Variants in RNF43 observed in about 807,000 individuals in gnomAD.
The protein encoded by RNF43 is E3 ubiquitin-protein ligase RNF43.
RNF43 carries 37 observed loss-of-function variants against 78.4 expected under a neutral mutation model. The observed-to-expected ratio is 0.47, with a 90% CI of 0.36 to 0.62. The LOEUF (loss-of-function observed/expected upper bound fraction) is 0.62. RNF43 is among the 20% of genes least tolerant of loss of function. RNF43 has a pLI of 0.00. For missense variants in RNF43, 774 were observed against 1,007.9 expected, an observed-to-expected ratio of 0.77 and a Z score of 3.14; for synonymous variants, 347 against 395.0, an observed-to-expected ratio of 0.88 and a Z score of 1.44.
At chr17:58,390,241 G>GAAGGCATGAGATCAGAGCTTTCTAACTAA (rs1172465042) in intron 2 of RNF43, among the ~76,000 whole-genome samples, 16 of 152,288 alleles carry the variant, frequency 1.1e-4, no homozygotes, top group African/African-American at 3.9e-4. Flanking sequence ...AAAGAAAACA[G>GAAGGCATGAGATCAGAGCTTTCTAACTAA]AAGGCATGAG....
intron 6 of RNF43, among the ~76,000 whole-genome samples, chr17:58,361,597 A>G (rs551996932): frequency 1.3e-5 from 2 of 152,166 alleles, no homozygotes; most frequent in African/African-American, 4.8e-5. Flanking sequence ...TCATATTAAA[A>G]CTTCAGTCAG....
chr17:58,412,620 T>C (rs1327810719), intron 2 of RNF43, among the ~76,000 whole-genome samples: 2 of 136,906 alleles, frequency 1.5e-5, no homozygotes, highest in Non-Finnish European at 3.1e-5. Flanking sequence ...CTATGGTCTA[T>C]TTTACTATTC....
At chr17:58,372,271 T>C (rs1973114510) in intron 2 of RNF43, among the ~76,000 whole-genome samples, 1 of 152,208 alleles carries the variant, frequency 6.6e-6, no homozygotes, top group Admixed American at 6.5e-5. Context: ...TTGAACATAG[T>C]AGGTTCTCAA....
intron 2 of RNF43, among the ~76,000 whole-genome samples, chr17:58,391,273 G>A (rs1973552434): frequency 6.6e-6 from 1 of 152,196 alleles, no homozygotes; most frequent in East Asian, 1.9e-4. Flanking sequence ...TCTAATTCCA[G>A]ATAATTCCTT....
At chr17:58,396,530 G>GA (rs1402583838) in intron 2 of RNF43, among the ~76,000 whole-genome samples, 1 of 152,054 alleles carries the variant, frequency 6.6e-6, no homozygotes, top group Admixed American at 6.5e-5. Flanking sequence ...ACTTGAGGGG[G>GA]AAAAAACAGA....
intron 2 of RNF43, among the ~76,000 whole-genome samples, chr17:58,395,465 G>A (rs1271746451): frequency 3.9e-5 from 6 of 151,948 alleles, no homozygotes; most frequent in Non-Finnish European, 8.8e-5. Flanking sequence ...GTTTATTATT[G>A]TGTACACTTG....
rs2877877 is a variant in RNF43 at position 58,354,169 on chromosome 17, A to G, written c.*774T>C. 35,076 of 202,864 alleles carry G rather than the reference A, an allele frequency of 0.17. 3,128 individuals carry two copies. The highest frequency in any genetic ancestry group is 0.26 in the East Asian group (3,364 of 13,168). 12.6% of individuals were successfully genotyped at this position (202,864 alleles called of 1,614,324 possible). ...ATTCTGCCTTTTCTACCTTCATTCC[A>G]TCCTTCCTCTGCCCAGATAAAGTCC... On this transcript the variant is annotated 3_prime_UTR_variant, in exon 10 of 10. Transcript: ENST00000407977.
intron 2 of RNF43, among the ~76,000 whole-genome samples, chr17:58,410,083 A>G (rs1046553779): frequency 3.3e-5 from 5 of 150,020 alleles, no homozygotes; most frequent in Non-Finnish European, 7.4e-5. Flanking sequence ...AGCCAGGGAC[A>G]TATTTCATTC....
At chr17:58,359,316 G>C (rs764603710) in intron 8 of RNF43, among the ~76,000 whole-genome samples, 1 of 151,954 alleles carries the variant, frequency 6.6e-6, no homozygotes, top group Admixed American at 6.6e-5. Context: ...GATTATCTAC[G>C]GCCGGGCGCG....
At chr17:58,377,951 C>T (rs929481952) in intron 2 of RNF43, among the ~76,000 whole-genome samples, 2 of 152,024 alleles carry the variant, frequency 1.3e-5, no homozygotes, top group Non-Finnish European at 2.9e-5. Context: ...AAGTAAAGCT[C>T]CTGCAGATAT....
intron 2 of RNF43, among the ~76,000 whole-genome samples, chr17:58,411,351 T>C (rs1323789495): frequency 6.6e-6 from 1 of 152,154 alleles, no homozygotes; most frequent in East Asian, 1.9e-4. Context: ...TTGTCAACTA[T>C]AGTTTGCAAT....
chr17:58,395,668 C>T (rs1973665149), intron 2 of RNF43, among the ~76,000 whole-genome samples: 1 of 152,144 alleles, frequency 6.6e-6, no homozygotes, highest in African/African-American at 2.4e-5. Flanking sequence ...TGTTTTGCAG[C>T]TTGACAAAAA....
At chr17:58,393,980 T>C (rs1973618764) in intron 2 of RNF43, among the ~76,000 whole-genome samples, 1 of 152,052 alleles carries the variant, frequency 6.6e-6, no homozygotes, top group South Asian at 2.1e-4. Flanking sequence ...GGCGTGAACC[T>C]GGGAGGCGGA....
rs750753752 is a variant in RNF43, at chr17:58,415,653, C to T, written c.-76G>A. ...TAATACCAAATGCAGGTTCTCAGAT[C>T]CAGACAAATGGAGGAAAAGAACATT... On this transcript the variant is annotated 5_prime_UTR_variant, in exon 2 of 10. Transcript: ENST00000407977. 2.8e-4 allele frequency: 432 copies of T among 1,515,960 alleles called. No individual in the cohort carries two copies. The highest frequency in any genetic ancestry group is 4.2e-4 in the Middle Eastern group (2 of 4,788). 93.9% of individuals were successfully genotyped at this position (1,515,960 alleles called of 1,614,324 possible). A position where few individuals can be genotyped will look rare whatever the true frequency, so the allele number is the denominator to read the frequency against.
At chr17:58,411,069 T>C (rs1181621649) in intron 2 of RNF43, among the ~76,000 whole-genome samples, 1 of 152,154 alleles carries the variant, frequency 6.6e-6, no homozygotes, top group Non-Finnish European at 1.5e-5. Flanking sequence ...AGTTTCCTTA[T>C]CTGTAAAATG....
chr17:58,362,545 G>A lies in RNF43; in HGVS notation c.686C>T (p.Pro229Leu), dbSNP rs763974538. The change falls in exon 6 of 10, where the codon CCG (proline) becomes CTG (leucine). Residue 229 changes from proline to leucine, a missense_variant and splice_region_variant. Physicochemically the swap from Pro to Leu is moderately conservative, Grantham distance 98. Coordinates refer to ENST00000407977, the MANE Select transcript of RNF43 (RefSeq NM_017763.6). ...CGCCAAAGACCCCACACTGCTCACC[G>A]GCCTGCTGTGGCGGGGGCGGCACCG... ...RIRCRPRHSR[P>L]DPLQQRTAWA... 46 of 1,608,066 alleles carry A rather than the reference G, an allele frequency of 2.9e-5. No individual in the cohort carries two copies. Among genetic ancestry groups the A allele is most frequent in the African/African-American group, 8.0e-5 (6 of 74,666 alleles).
chr17:58,368,684 G>A (rs1902676389), intron 3 of RNF43, among the ~76,000 whole-genome samples: 1 of 149,560 alleles, frequency 6.7e-6, no homozygotes, highest in Admixed American at 6.7e-5. Flanking sequence ...CTGCACTCCA[G>A]CCTGGGCAAC....
intron 2 of RNF43, among the ~76,000 whole-genome samples, chr17:58,385,956 A>T (rs957089471): frequency 3.4e-4 from 52 of 152,212 alleles, no homozygotes; most frequent in Admixed American, 1.5e-3. Flanking sequence ...AAAATTTTTT[A>T]AAAATTAGCT....
At chr17:58,359,568 CA>C (rs1273786587) in intron 8 of RNF43, among the ~76,000 whole-genome samples, 1 of 151,490 alleles carries the variant, frequency 6.6e-6, no homozygotes, top group Non-Finnish European at 1.5e-5. Flanking sequence ...CGCGCCACTG[CA>C]CTCCAGCCTG....
Sources: allele counts gnomAD v4.1 joint callset (sites outside exome capture counted in the v4.1 genomes callset), GRCh38; gene constraint gnomAD v4.1.1; transcripts MANE v1.5; gene names NCBI Gene and HGNC (gene_info 2026-07-23, HGNC 2026-07-21).